SCN2A: variants seen among roughly 807,000 people sequenced by gnomAD.
The protein encoded by SCN2A is sodium channel protein type 2 subunit alpha.
In SCN2A, 20 loss-of-function variants were observed where a neutral mutation model predicts 188.7. The observed-to-expected ratio is 0.11, with a 90% CI of 0.07 to 0.15. The LOEUF (loss-of-function observed/expected upper bound fraction) is 0.15. SCN2A is among the 10% of genes least tolerant of loss of function. The pLI is 1.00. For missense variants in SCN2A, 1,278 were observed against 2,445.0 expected (o/e 0.52, Z 10.07); for synonymous variants, 804 against 833.1 (o/e 0.97, Z 0.60).
At chr2:165,300,154 A>G (rs926067550) in intron 3 of SCN2A, among the ~76,000 whole-genome samples, 2 of 152,230 alleles carry the variant, frequency 1.3e-5, no homozygotes, top group African/African-American at 4.8e-5. Context: ...ATGTTCCTAA[A>G]GTTCCCTACC....
At position 165,294,195 on chromosome 2, in the gene SCN2A, AGTAGAATCCTTGGGGAAATCT is replaced by A. The variant is rs1286577729; in HGVS notation, c.-51-1576_-51-1556del. 3.8e-6 allele frequency: 3 copies of A among 786,648 alleles called. No homozygotes were observed. In the African/African-American group the frequency reaches 5.6e-5, roughly 15 times the overall value. The allele number at this position is 786,648 out of a possible 1,614,324, so 48.7% of individuals were successfully genotyped here. A position where few individuals can be genotyped will look rare whatever the true frequency, so the allele number is the denominator to read the frequency against. Reference sequence around the variant, plus strand: ...TGTGATGCTTCTCTACCTTTACAGTAGTAGAATCCTTGGGGAAATCTGCAGAGGGACCACTTTCATTTTGAA... The same window carrying A: ...TGTGATGCTTCTCTACCTTTACAGTAGCAGAGGGACCACTTTCATTTTGAA... On this transcript the variant is annotated intron_variant, in intron 1 of 26. Transcript: ENST00000375437.
intron 1 of SCN2A, chr2:165,266,475 G>A (rs1574468195): frequency 6.6e-6 from 1 of 152,116 alleles, no homozygotes; most frequent in Admixed American, 6.6e-5. Flanking sequence ...GGGAAAGCCA[G>A]GGAAGGTTTC....
At chr2:165,241,354 C>T (rs1041600297) in intron 1 of SCN2A, among the ~76,000 whole-genome samples, 5 of 152,058 alleles carry the variant, frequency 3.3e-5, no homozygotes, top group African/African-American at 9.7e-5. Context: ...ACTCTTCTAC[C>T]CTATGCTCAT....
intron 23 of SCN2A, 24 bp from the exon 24 acceptor site, chr2:165,380,568 G>A (rs1558879300): frequency 6.5e-7 from 1 of 1,535,952 alleles, no homozygotes; most frequent in Non-Finnish European, 9.0e-7. Flanking sequence ...AGATATAATG[G>A]TTACAATTCT....
chr2:165,244,142 C>T (rs993497871), intron 1 of SCN2A, among the ~76,000 whole-genome samples: 3 of 151,462 alleles, frequency 2.0e-5, no homozygotes, highest in Non-Finnish European at 4.4e-5. Context: ...CTCCAGAGGC[C>T]GGGGCAGGAG....
Position 165,344,804 on chromosome 2 carries a change from G to A in SCN2A, c.2812G>A (p.Val938Met). The change falls in exon 16 of 27, where the codon GTG (valine) becomes ATG (methionine). Residue 938 changes from valine (V) to methionine (M), a missense_variant. Around this residue, in one of 17 missense-constraint regions of SCN2A, gnomAD observed 83 missense variants for 256.8 expected, o/e 0.32. Transcript: ENST00000375437. ...CCACTCCTTCCTGATCGTGTTCCGC[G>A]TGCTGTGTGGAGAGTGGATAGAGAC... ...FFHSFLIVFR[V>M]LCGEWIETMW... 2 of 1,614,148 alleles carry A rather than the reference G, an allele frequency of 1.2e-6. No individual in the cohort carries two copies. The highest frequency in any genetic ancestry group is 1.7e-6 in the Non-Finnish European group (2 of 1,180,038).
intron 1 of SCN2A, among the ~76,000 whole-genome samples, chr2:165,258,850 A>G (rs775744945): frequency 7.0e-4 from 107 of 152,326 alleles, no homozygotes; most frequent in South Asian, 6.2e-4. Context: ...ACCCAATACC[A>G]CATGTTCTAA....
intron 14 of SCN2A, among the ~76,000 whole-genome samples, chr2:165,332,701 A>G (rs1019051889): frequency 1.3e-5 from 2 of 152,026 alleles, no homozygotes; most frequent in Non-Finnish European, 1.5e-5. Context: ...TTTCTAAAAA[A>G]AAGCAGGGTG....
intron 3 of SCN2A, among the ~76,000 whole-genome samples, chr2:165,301,216 C>T (rs1157483548): frequency 6.6e-6 from 1 of 152,116 alleles, no homozygotes. Context: ...ATGTTTGAGA[C>T]ACCTATTAGA....
chr2:165,373,151 T>C, intron 20 of SCN2A, 74 bp from the exon 21 acceptor site: 3 of 1,510,078 alleles, frequency 2.0e-6, no homozygotes, highest in Non-Finnish European at 2.8e-6. Flanking sequence ...ACTGATTCAT[T>C]GCATAGAGCA....
Position 165,318,642 on chromosome 2 carries a change from C to A in SCN2A, c.1671+2884C>A, listed in dbSNP as rs141622245. On this transcript the variant is annotated intron_variant, in intron 11 of 26. Coordinates refer to ENST00000375437, the MANE Select transcript of SCN2A (RefSeq NM_001040142.2). ...TCATCCATGATCCTTGAGAAACATG[C>A]AAACTTATAACTTATTTTCTTCCAA... is the stretch of plus-strand genomic sequence containing the variant. Among the ~76,000 whole-genome samples the A allele has an allele frequency of 8.2e-3, 1,245 of 152,304 alleles. 24 individuals are homozygous for A. Among genetic ancestry groups the A allele is most frequent in the African/African-American group, 0.028 (1,151 of 41,570 alleles).
intron 1 of SCN2A, chr2:165,271,054 TG>T (rs1310209766): frequency 6.6e-6 from 1 of 152,098 alleles, no homozygotes; most frequent in Non-Finnish European, 1.5e-5. Flanking sequence ...TAAAAACATT[TG>T]TAAAAATTTT....
intron 23 of SCN2A, 150 bp from the exon 24 acceptor site, chr2:165,380,442 G>T: frequency 1.7e-6 from 1 of 595,828 alleles, no homozygotes. Context: ...CAATAAGCAT[G>T]TGAGATTTGA....
chr2:165,359,772 T>C (rs1559387583), intron 17 of SCN2A, among the ~76,000 whole-genome samples: 1 of 151,968 alleles, frequency 6.6e-6, no homozygotes, highest in African/African-American at 2.4e-5. Context: ...ATGCCCAAAA[T>C]ATCTTTAATA....
chr2:165,337,764 T>C (rs1484412667), intron 14 of SCN2A, among the ~76,000 whole-genome samples: 1 of 150,748 alleles, frequency 6.6e-6, no homozygotes, highest in Non-Finnish European at 1.5e-5. Context: ...AAAAAAGCTG[T>C]TACCACCAGA....
intron 1 of SCN2A, chr2:165,274,131 A>T (rs998921295): frequency 6.6e-6 from 1 of 152,138 alleles, no homozygotes; most frequent in Non-Finnish European, 1.5e-5. Flanking sequence ...ACAGAATCCA[A>T]AATAAAATTT....
intron 1 of SCN2A, among the ~76,000 whole-genome samples, chr2:165,279,178 A>G (rs1385229024): frequency 1.3e-5 from 2 of 152,180 alleles, no homozygotes; most frequent in Non-Finnish European, 2.9e-5. Flanking sequence ...TTTCCCATAT[A>G]CCACATTATC....
At position 165,354,555 on chromosome 2, in the gene SCN2A, T is replaced by C; in HGVS notation, c.3283T>C (p.Phe1095Leu). The change falls in exon 17 of 27, where the codon TTT (phenylalanine) becomes CTT (leucine). Residue 1095 changes from phenylalanine (F) to leucine (L), a missense_variant. Around this residue, in one of 17 missense-constraint regions of SCN2A, gnomAD observed 228 missense variants for 297.3 expected, o/e 0.77. Transcript: ENST00000375437. ...YVVDESDYMS[F>L]INNPSLTVTV... ...CGTGGATGAAAGTGATTACATGTCA[T>C]TTATAAACAACCCTAGCCTCACTGT... The C allele has an allele frequency of 6.2e-7, 1 of 1,614,128 alleles. No individual in the cohort carries two copies. The highest frequency in any genetic ancestry group is 8.5e-7 in the Non-Finnish European group (1 of 1,179,994).
intron 18 of SCN2A, among the ~76,000 whole-genome samples, chr2:165,366,573 G>A (rs961000648): frequency 1.3e-5 from 2 of 152,070 alleles, no homozygotes; most frequent in Admixed American, 1.3e-4. Context: ...TCTCTACCGG[G>A]CGTAGTGGTA....
Sources: gnomAD v4.1 joint callset for allele counts (sites outside exome capture counted in the v4.1 genomes callset) on GRCh38, gnomAD v4.1.1 for gene constraint, gnomAD v4.1.1 regional missense constraint, MANE v1.5 for transcripts, NCBI Gene and HGNC (gene_info 2026-07-23, HGNC 2026-07-21) for gene names.